The following GAS7 variants were observed in gnomAD, a reference collection of about 807,000 sequenced individuals.
GAS7 encodes the protein growth arrest-specific protein 7.
GAS7 carries 28 observed loss-of-function variants against 71.1 expected under a neutral mutation model. That is an observed-to-expected ratio of 0.39 (90% CI 0.29 to 0.54). The LOEUF is 0.54. GAS7 is among the 20% of genes least tolerant of loss of function. The pLI is 0.62. For synonymous variants in GAS7, 258 were observed against 245.8 expected, an observed-to-expected ratio of 1.05 and a Z score of -0.46; for missense variants, 436 against 627.8, an observed-to-expected ratio of 0.69 and a Z score of 3.27.
chr17:9,979,581 G>A (rs1312665349), intron 3 of GAS7, among the ~76,000 whole-genome samples: 1 of 152,218 alleles, frequency 6.6e-6, no homozygotes, highest in East Asian at 1.9e-4. Flanking sequence ...AGGACAAGAT[G>A]CTGCCTGTGG....
chr17:10,090,537 C>G (rs994802590), intron 1 of GAS7, among the ~76,000 whole-genome samples: 1 of 136,192 alleles, frequency 7.3e-6, no homozygotes, highest in Non-Finnish European at 1.6e-5. Context: ...CAAATCTAAA[C>G]GGCTCTTTAA....
intron 6 of GAS7, among the ~76,000 whole-genome samples, chr17:9,944,666 C>T (rs1232536569): frequency 6.6e-6 from 1 of 152,212 alleles, no homozygotes; most frequent in Non-Finnish European, 1.5e-5. Context: ...CCTCCGGCCA[C>T]GCTGCTAACA....
chr17:10,052,278 A>G (rs928953640), intron 1 of GAS7, among the ~76,000 whole-genome samples: 11 of 152,046 alleles, frequency 7.2e-5, no homozygotes, highest in Admixed American at 1.3e-4. Context: ...AAAGGCAAAT[A>G]CTCCAGGGTT....
chr17:10,093,730 C>T (rs6503286), intron 1 of GAS7, among the ~76,000 whole-genome samples: 93,288 of 151,866 alleles, frequency 0.61, 29,393 homozygotes, highest in African/African-American at 0.67. Context: ...GAGTATTTCA[C>T]GAAATTTATT....
chr17:10,184,203 A>C (rs1053124411), intron 1 of GAS7, among the ~76,000 whole-genome samples: 6 of 152,128 alleles, frequency 3.9e-5, no homozygotes, highest in African/African-American at 1.4e-4. Context: ...TTCATACTGC[A>C]GTCCAGACCC....
At chr17:10,114,828 G>A (rs11650288) in intron 1 of GAS7, among the ~76,000 whole-genome samples, 28,471 of 151,938 alleles carry the variant, frequency 0.19, 3,004 homozygotes, top group East Asian at 0.41. Flanking sequence ...TTTCCTCAAT[G>A]AGAAGTCACA....
rs2069267791 is a variant in GAS7, at chr17:9,956,993, G to A, written c.525+2209C>T. Reference sequence around the variant, plus strand: ...AGGCACCAAGGCCTGGAGACCTGTGGGCCAAGGCCAGGTGGTACACCGGGA... The same window carrying A: ...AGGCACCAAGGCCTGGAGACCTGTGAGCCAAGGCCAGGTGGTACACCGGGA... On this transcript the variant is annotated intron_variant, in intron 5 of 13. Coordinates refer to ENST00000432992, the MANE Select transcript of GAS7 (RefSeq NM_201433.2). Among the ~76,000 whole-genome samples the A allele has an allele frequency of 3.3e-5, 5 of 152,294 alleles. No homozygotes were observed. In the South Asian group the frequency reaches 1.0e-3, roughly 32 times the overall value.
At chr17:9,943,388 A>C in intron 6 of GAS7, 152 bp from the exon 7 acceptor site, 2 of 616,626 alleles carry the variant, frequency 3.2e-6, no homozygotes, top group Admixed American at 2.8e-5. Context: ...CCTAACTCGG[A>C]TCTCTCTCCT....
At position 9,974,031 on chromosome 17, in the gene GAS7, C is replaced by T. The variant is rs1166068325; in HGVS notation, c.386-4269G>A. ...TGCCCAGGTCCTGCCTCTCCTCTGC[C>T]CCAGTCTTTCCCCACACTTGCAGCC... is the stretch of plus-strand genomic sequence containing the variant. On this transcript the variant is annotated intron_variant, in intron 3 of 13. Coordinates refer to ENST00000432992, the MANE Select transcript of GAS7 (RefSeq NM_201433.2). This position sits in a 1 kb window ranked among gnomAD's most constrained non-coding sequence, Gnocchi z 4.0. Among the ~76,000 whole-genome samples, 2 of 152,092 alleles carry T rather than the reference C, an allele frequency of 1.3e-5. No homozygotes were observed. Among genetic ancestry groups the T allele is most frequent in the Non-Finnish European group, 2.9e-5 (2 of 68,032 alleles).
intron 4 of GAS7, among the ~76,000 whole-genome samples, chr17:9,966,435 G>A (rs1217686006): frequency 6.6e-6 from 1 of 152,138 alleles, no homozygotes; most frequent in African/African-American, 2.4e-5. Flanking sequence ...CCCTGAACAT[G>A]CCACTTTATC....
At chr17:10,044,840 G>T (rs1844346988) in intron 1 of GAS7, among the ~76,000 whole-genome samples, 2 of 151,888 alleles carry the variant, frequency 1.3e-5, no homozygotes, top group African/African-American at 4.8e-5. Context: ...GGATCATGAG[G>T]TCAGGAGATG....
Position 10,107,042 on chromosome 17 carries a change from A to G in GAS7, c.184-87145T>C, listed in dbSNP as rs113709170. ...CCAAGGTGGAAACAGGCGCCAAGGA[A>G]GGAGTTCAAGAGGATGAAAACAGGA... On this transcript the variant is annotated intron_variant, in intron 1 of 13. Transcript: ENST00000432992. Among the ~76,000 whole-genome samples, 479 of 152,332 alleles carry G rather than the reference A, an allele frequency of 3.1e-3. 2 individuals are homozygous for G. The highest frequency in any genetic ancestry group is 0.011 in the African/African-American group (450 of 41,570).
Position 10,198,404 on chromosome 17 carries a change from G to A in GAS7, c.-14C>T. ...AGCGCCGGACATGGCCTTGGCGCCC[G>A]GGTTCACAGCGCAGCCTGCATTCCC... On this transcript the variant is annotated 5_prime_UTR_variant, in exon 1 of 14. Transcript: ENST00000432992. 6 of 1,562,742 alleles carry A rather than the reference G, an allele frequency of 3.8e-6. No individual in the cohort carries two copies. The highest frequency in any genetic ancestry group is 1.1e-5 in the South Asian group (1 of 87,160).
chr17:9,961,123 CTG>C (rs1014016109), intron 4 of GAS7, among the ~76,000 whole-genome samples: 4 of 152,230 alleles, frequency 2.6e-5, no homozygotes, highest in African/African-American at 9.6e-5. Flanking sequence ...CTGATCTACA[CTG>C]TGGTTTCACT....
At chr17:9,961,386 G>T (rs151289876) in intron 4 of GAS7, among the ~76,000 whole-genome samples, 496 of 152,276 alleles carry the variant, frequency 3.3e-3, no homozygotes, top group African/African-American at 0.011. Flanking sequence ...GTTCATTCAC[G>T]TACAGACTCT....
intron 1 of GAS7, among the ~76,000 whole-genome samples, chr17:10,183,322 G>A (rs1196046193): frequency 5.9e-5 from 9 of 152,156 alleles, no homozygotes; most frequent in African/African-American, 2.4e-5. Flanking sequence ...CTTGCAGTAC[G>A]ACCTCAGAGA....
chr17:9,966,599 G>A (rs1251750792), intron 4 of GAS7, among the ~76,000 whole-genome samples: 1 of 152,148 alleles, frequency 6.6e-6, no homozygotes, highest in Non-Finnish European at 1.5e-5. Flanking sequence ...CCCTTTGTTG[G>A]TAGAGCTCTC....
chr17:10,100,273 G>A (rs1037481030), intron 1 of GAS7, among the ~76,000 whole-genome samples: 5 of 152,070 alleles, frequency 3.3e-5, no homozygotes, highest in Non-Finnish European at 7.4e-5. Flanking sequence ...ACATGTTGCC[G>A]GACACTCAAA....
At chr17:9,963,637 G>A (rs887521835) in intron 4 of GAS7, among the ~76,000 whole-genome samples, 1 of 152,016 alleles carries the variant, frequency 6.6e-6, no homozygotes, top group South Asian at 2.1e-4. Context: ...AGAGGTTGAG[G>A]TGGAAGGATC....
Sources: gnomAD v4.1 joint callset for allele counts (sites outside exome capture counted in the v4.1 genomes callset) on GRCh38, gnomAD v4.1.1 for gene constraint, Gnocchi (gnomAD v3.1) non-coding constraint, MANE v1.5 for transcripts, NCBI Gene and HGNC (gene_info 2026-07-23, HGNC 2026-07-21) for gene names.